Variants in MIS12 observed in about 807,000 individuals in gnomAD.
MIS12 encodes MIS12 kinetochore complex component.
MIS12 carries 13 observed loss-of-function variants against 16.5 expected under a neutral mutation model. The observed-to-expected ratio is 0.79, with a 90% CI of 0.51 to 1.25. MIS12 has a LOEUF of 1.25. Ranked by LOEUF, MIS12 falls within the 50% of genes most tolerant of loss-of-function variation. The probability of loss-of-function intolerance (pLI) is 0.00; values close to 1 mark genes in which losing one functional copy is unlikely to be tolerated. For synonymous variants in MIS12, 97 were observed against 87.3 expected (o/e 1.11, Z -0.62); for missense variants, 199 against 239.5 (o/e 0.83, Z 1.12).
In MIS12 at chr17:5,489,052, A is replaced by C; in HGVS notation, c.190A>C (p.Thr64Pro). ...DISPVQIRKC[T>P]EKFLCFMKGH... is the part of the protein sequence containing the mutation. ...TAGCCCAGTGCAGATTCGCAAATGC[A>C]CAGAGAAGTTTCTTTGCTTCATGAA... Residue 64 changes from threonine to proline, a missense_variant, in exon 3 of 3, where the codon ACA becomes CCA. Physicochemically the swap from Thr to Pro is conservative, Grantham distance 38 (BLOSUM62 -1). Transcript: ENST00000611091. 6.2e-7 allele frequency: 1 copy of C among 1,614,254 alleles called. No homozygotes were observed. Among genetic ancestry groups the C allele is most frequent in the Non-Finnish European group, 8.5e-7 (1 of 1,180,042 alleles).
chr17:5,486,388 T>A, upstream of MIS12: 1 of 407,974 alleles, frequency 2.5e-6, no homozygotes, highest in Non-Finnish European at 4.3e-6. Context: ...CCCCACCCTC[T>A]CTTCTCCACC....
Position 5,489,972 on chromosome 17 carries a change from T to C in MIS12, c.*492T>C, listed in dbSNP as rs914359903. On this transcript the variant is annotated 3_prime_UTR_variant, in exon 3 of 3. Transcript: ENST00000611091. Reference sequence around the variant, plus strand: ...GCAACCTCTGTGTCCTGGGCTCAAGTGATCCTCCTGCCTCAGCCTCCCAAG... The same window carrying C: ...GCAACCTCTGTGTCCTGGGCTCAAGCGATCCTCCTGCCTCAGCCTCCCAAG... 3 of 167,110 alleles carry C rather than the reference T, an allele frequency of 1.8e-5. No homozygotes were observed. Among genetic ancestry groups the C allele is most frequent in the Non-Finnish European group, 2.9e-5 (2 of 68,430 alleles). The allele number at this position is 167,110 out of a possible 1,614,324, so 10.4% of individuals were successfully genotyped here.
chr17:5,486,516 A>C, upstream of MIS12: 10 of 177,824 alleles, frequency 5.6e-5, no homozygotes, highest in East Asian at 3.0e-4. Flanking sequence ...CAACCAGCCA[A>C]TCAGGAACGC....
rs1906620792 is a variant in MIS12 at position 5,489,445 on chromosome 17, G to C, written c.583G>C (p.Val195Leu). Reference sequence around the variant, plus strand: ...AAAACTACAGAACATTAGAGACAATGTGGAAAAGGAATCGAAACGACTGAA... The same window carrying C: ...AAAACTACAGAACATTAGAGACAATCTGGAAAAGGAATCGAAACGACTGAA... Reference protein sequence around the residue: ...SRKLQNIRDNVEKESKRLKIS With the variant: ...SRKLQNIRDNLEKESKRLKIS The change falls in exon 3 of 3, where the codon GTG becomes CTG. Residue 195 changes from valine to leucine, a missense_variant. Val to Leu is a conservative substitution (Grantham distance 32, BLOSUM62 1). Transcript: ENST00000611091. 6.3e-7 allele frequency: 1 copy of C among 1,591,540 alleles called. No homozygotes were observed. The highest frequency in any genetic ancestry group is 8.5e-7 in the Non-Finnish European group (1 of 1,173,998).
In MIS12 at chr17:5,489,043, C is replaced by A. The variant is rs746944683; in HGVS notation, c.181C>A (p.Arg61Ser). The change falls in exon 3 of 3, where the codon CGC becomes AGC. Residue 61 changes from arginine to serine, a missense_variant. Coordinates refer to ENST00000611091, the MANE Select transcript of MIS12 (RefSeq NM_001258217.2). ...CTGTGACATTAGCCCAGTGCAGATT[C>A]GCAAATGCACAGAGAAGTTTCTTTG... ...PDCDISPVQI[R>S]KCTEKFLCFM... The A allele has an allele frequency of 6.2e-6, 10 of 1,614,204 alleles. No homozygotes were observed. The highest frequency in any genetic ancestry group is 1.3e-5 in the African/African-American group (1 of 75,056).
At position 5,489,220 on chromosome 17, in the gene MIS12, G is replaced by T. The variant is rs1906600764; in HGVS notation, c.358G>T (p.Glu120Ter). ...GGAAGATTTTCAGCATCTCCAGAAA[G>T]AAATTGAACAGTTACAGGAGAAGTA... ...SEEDFQHLQK[E>*]IEQLQEKYKT... The change falls in exon 3 of 3, where the codon GAA becomes TAA. Residue 120 changes from glutamate to a stop codon, truncating the protein, a stop_gained. Coordinates refer to ENST00000611091, the MANE Select transcript of MIS12 (RefSeq NM_001258217.2). LOFTEE classifies it high-confidence loss of function. The T allele has an allele frequency of 6.2e-7, 1 of 1,614,164 alleles. No individual in the cohort carries two copies. The highest frequency in any genetic ancestry group is 1.1e-5 in the South Asian group (1 of 91,086).
Position 5,489,395 on chromosome 17 carries a change from T to C in MIS12, c.533T>C (p.Leu178Ser), listed in dbSNP as rs1906616508. The C allele has an allele frequency of 6.2e-7, 1 of 1,613,888 alleles. No homozygotes were observed. The highest frequency in any genetic ancestry group is 8.5e-7 in the Non-Finnish European group (1 of 1,179,924). Reference protein sequence around the residue: ...DHGTSDFRESLVSLVQNSRKL... With the variant: ...DHGTSDFRESSVSLVQNSRKL... ...GGGACTAGTGATTTTAGGGAGAGTT[T>C]AGTATCCCTGGTTCAGAACTCCAGA... Residue 178 changes from leucine to serine, a missense_variant, in exon 3 of 3, where the codon TTA (leucine) becomes TCA (serine). Leu to Ser is a moderately radical substitution (Grantham distance 145). Transcript: ENST00000611091.
chr17:5,488,523 C>T lies in MIS12; in HGVS notation c.-107C>T. 1 of 210,712 alleles carries T rather than the reference C, an allele frequency of 4.7e-6. No individual in the cohort carries two copies. Among genetic ancestry groups the T allele is most frequent in the South Asian group, 8.2e-5 (1 of 12,220 alleles). 13.1% of individuals were successfully genotyped at this position (210,712 alleles called of 1,614,324 possible). A position where few individuals can be genotyped will look rare whatever the true frequency, so the allele number is the denominator to read the frequency against. Reference sequence around the variant, plus strand: ...TGAGTCTCTAGGGCATTGGTTAAGTCATCTGTCTAGACTTCAAAGTTGTCT... The same window carrying T: ...TGAGTCTCTAGGGCATTGGTTAAGTTATCTGTCTAGACTTCAAAGTTGTCT... On this transcript the variant is annotated 5_prime_UTR_variant, in exon 2 of 3. Transcript: ENST00000611091.
chr17:5,488,843 A>T lies in MIS12; in HGVS notation c.-20A>T. ...TGCAGGTTTTTCACGACTGAAAACA[A>T]CATAGCAAAATAAGCCAAGATGTCT... is the stretch of plus-strand genomic sequence containing the variant. On this transcript the variant is annotated 5_prime_UTR_variant, in exon 3 of 3. Transcript: ENST00000611091. 6.3e-7 allele frequency: 1 copy of T among 1,593,020 alleles called. No homozygotes were observed. Among genetic ancestry groups the T allele is most frequent in the Non-Finnish European group, 8.6e-7 (1 of 1,169,078 alleles).
Position 5,489,652 on chromosome 17 carries a change from C to A in MIS12, c.*172C>A. 1 of 759,054 alleles carries A rather than the reference C, an allele frequency of 1.3e-6. No homozygotes were observed. The highest frequency in any genetic ancestry group is 2.1e-6 in the Non-Finnish European group (1 of 487,104). 47.0% of individuals were successfully genotyped at this position (759,054 alleles called of 1,614,324 possible). A position where few individuals can be genotyped will look rare whatever the true frequency, so the allele number is the denominator to read the frequency against. ...CTGTGTTTTCCTCTTTTTTGGTCCA[C>A]TTTGCTGAGGTATGAAGTGTACTAC... is the stretch of plus-strand genomic sequence containing the variant. On this transcript the variant is annotated 3_prime_UTR_variant, in exon 3 of 3. Transcript: ENST00000611091.
At chr17:5,488,765 T>C in intron 2 of MIS12, 58 bp from the exon 3 acceptor site, 1 of 1,347,726 alleles carries the variant, frequency 7.4e-7, no homozygotes, top group South Asian at 1.4e-5. Flanking sequence ...TGTGATTGGT[T>C]ACTTCCTGCA....
chr17:5,488,059 C>G (rs977895055), intron 1 of MIS12, 137 bp from the exon 2 acceptor site: 1 of 152,156 alleles, frequency 6.6e-6, no homozygotes, highest in Non-Finnish European at 1.5e-5. Flanking sequence ...TGAATTCCCA[C>G]AATGACAAGG....
chr17:5,487,683 C>T (rs1311044531), intron 1 of MIS12: 1 of 152,112 alleles, frequency 6.6e-6, no homozygotes, highest in Non-Finnish European at 1.5e-5. Flanking sequence ...AAGTATCCAC[C>T]ATCACGCCTG....
In MIS12 at chr17:5,488,575, G is replaced by C; in HGVS notation, c.-55G>C. ...GGATGATAATTCAGAAGACTGATCT[G>C]TGCCAAAGTCACAGGTAAGGGAAGT... On this transcript the variant is annotated 5_prime_UTR_variant, in exon 2 of 3. Coordinates refer to ENST00000611091, the MANE Select transcript of MIS12 (RefSeq NM_001258217.2). 2 of 357,218 alleles carry C rather than the reference G, an allele frequency of 5.6e-6. No homozygotes were observed. The highest frequency in any genetic ancestry group is 3.1e-5 in the South Asian group (1 of 32,774). The allele number at this position is 357,218 out of a possible 1,614,324, so 22.1% of individuals were successfully genotyped here. A position where few individuals can be genotyped will look rare whatever the true frequency, so the allele number is the denominator to read the frequency against.
chr17:5,489,627 C>T lies in MIS12; in HGVS notation c.*147C>T. The T allele has an allele frequency of 1.1e-6, 1 of 951,322 alleles. No homozygotes were observed. The highest frequency in any genetic ancestry group is 2.7e-5 in the East Asian group (1 of 36,604). The allele number at this position is 951,322 out of a possible 1,614,324, so 58.9% of individuals were successfully genotyped here. A position where few individuals can be genotyped will look rare whatever the true frequency, so the allele number is the denominator to read the frequency against. ...TGCTTTGTCAACTCTTTCTTGTATT[C>T]TGTGTTTTCCTCTTTTTTGGTCCAC... On this transcript the variant is annotated 3_prime_UTR_variant, in exon 3 of 3. Coordinates refer to ENST00000611091, the MANE Select transcript of MIS12 (RefSeq NM_001258217.2).
intron 2 of MIS12, 21 bp from the exon 3 acceptor site, chr17:5,488,802 A>G (rs1906558363): frequency 6.5e-7 from 1 of 1,533,446 alleles, no homozygotes; most frequent in South Asian, 1.3e-5. Flanking sequence ...CAAATGAATT[A>G]TTTCCTTTTT....
intron 1 of MIS12, chr17:5,487,415 G>C: frequency 6.6e-6 from 1 of 152,382 alleles, no homozygotes; most frequent in East Asian, 1.9e-4. Flanking sequence ...CAGCCTGGGC[G>C]ACAGAGCGAC....
rs766578174 is a variant in MIS12 at position 5,489,390 on chromosome 17, G to A, written c.528G>A (p.Glu176=). The stretch of plus-strand genomic sequence containing the variant: ...ATCATGGGACTAGTGATTTTAGGGA[G>A]AGTTTAGTATCCCTGGTTCAGAACT... ...GRDHGTSDFR[E]SLVSLVQNSR... The change falls in exon 3 of 3, where the codon GAG becomes GAA. Residue 176 remains glutamate, a synonymous_variant. Transcript: ENST00000611091. 6.2e-7 allele frequency: 1 copy of A among 1,613,964 alleles called. No homozygotes were observed. The highest frequency in any genetic ancestry group is 8.5e-7 in the Non-Finnish European group (1 of 1,179,940).
chr17:5,489,776 G>C lies in MIS12; in HGVS notation c.*296G>C, dbSNP rs1906649225. ...AAGATATTTGCAGAGTTACACCTTG[G>C]TCATAAGTCCTTTGTGACCTTGATT... On this transcript the variant is annotated 3_prime_UTR_variant, in exon 3 of 3. Transcript: ENST00000611091. The C allele has an allele frequency of 3.6e-6, 1 of 275,464 alleles. No homozygotes were observed. Among genetic ancestry groups the C allele is most frequent in the Non-Finnish European group, 7.2e-6 (1 of 139,738 alleles). The allele number at this position is 275,464 out of a possible 1,614,324, so 17.1% of individuals were successfully genotyped here.
Sources: allele counts gnomAD v4.1 joint callset, GRCh38; gene constraint gnomAD v4.1.1; transcripts MANE v1.5; gene names NCBI Gene and HGNC (gene_info 2026-07-23, HGNC 2026-07-21).